The following TMEM245 variants were observed in gnomAD, a reference collection of about 807,000 sequenced individuals.
The protein encoded by TMEM245 is transmembrane protein 245, also known as protein CG-2.
TMEM245 carries 69 observed loss-of-function variants against 101.2 expected under a neutral mutation model. That is an observed-to-expected ratio of 0.68 (90% CI 0.56 to 0.83). The LOEUF (loss-of-function observed/expected upper bound fraction) is 0.83, where lower values mean the gene tolerates loss of function less well. Among genes scored for constraint, TMEM245 ranks in the 40% least tolerant of loss-of-function variants. The pLI, the probability that TMEM245 is intolerant of heterozygous loss-of-function variation, is 0.00. For missense variants in TMEM245, 1,075 were observed against 1,092.8 expected, an observed-to-expected ratio of 0.98 and a Z score of 0.23; for synonymous variants, 537 against 449.8, an observed-to-expected ratio of 1.19 and a Z score of -2.45.
chr9:109,044,714 A>C (rs1417004546), intron 14 of TMEM245, among the ~76,000 whole-genome samples: 1 of 151,952 alleles, frequency 6.6e-6, no homozygotes, highest in African/African-American at 2.4e-5. Flanking sequence ...TATAGTAATC[A>C]GATAGGGGTA....
intron 3 of TMEM245, among the ~76,000 whole-genome samples, chr9:109,099,524 G>T (rs1199807916): frequency 6.6e-6 from 1 of 152,174 alleles, no homozygotes; most frequent in African/African-American, 2.4e-5. Context: ...TATATCTGAT[G>T]ATTGTTTCAC....
chr9:109,083,826 C>G (rs998405908), intron 7 of TMEM245, among the ~76,000 whole-genome samples: 1 of 142,768 alleles, frequency 7.0e-6, no homozygotes, highest in Non-Finnish European at 1.5e-5. Context: ...GAGGCTGAGG[C>G]AGGCTGATCA....
At chr9:109,021,676 C>T (rs1485679953) in intron 17 of TMEM245, among the ~76,000 whole-genome samples, 2 of 152,090 alleles carry the variant, frequency 1.3e-5, no homozygotes, top group East Asian at 3.9e-4. Context: ...ACACCACATC[C>T]GGCTAATTTT....
intron 3 of TMEM245, among the ~76,000 whole-genome samples, chr9:109,104,078 C>G (rs921756666): frequency 2.0e-5 from 3 of 151,828 alleles, no homozygotes; most frequent in Non-Finnish European, 4.4e-5. Context: ...GAACGAGACT[C>G]CATCTCAAAA....
At chr9:109,057,746 G>C (rs1210394872) in intron 11 of TMEM245, among the ~76,000 whole-genome samples, 1 of 151,940 alleles carries the variant, frequency 6.6e-6, no homozygotes, top group African/African-American at 2.4e-5. Context: ...GCAAGACTCT[G>C]TCTAAAAAAG....
At chr9:109,118,897 T>C (rs183464601) in intron 1 of TMEM245, among the ~76,000 whole-genome samples, 2 of 152,306 alleles carry the variant, frequency 1.3e-5, no homozygotes, top group Admixed American at 6.5e-5. Flanking sequence ...ACCTTTCCTA[T>C]CTGCAGGATG....
At position 109,060,375 on chromosome 9, in the gene TMEM245, C is replaced by G. The variant is rs376533925; in HGVS notation, c.1701G>C (p.Leu567=). 14 of 1,612,892 alleles carry G rather than the reference C, an allele frequency of 8.7e-6. No homozygotes were observed. Among genetic ancestry groups the G allele is most frequent in the East Asian group, 2.2e-5 (1 of 44,840 alleles). Residue 567 remains leucine (L), a synonymous_variant, in exon 11 of 18, where the codon CTG becomes CTC. Coordinates refer to ENST00000374586, the MANE Select transcript of TMEM245 (RefSeq NM_032012.4). ...TTACCTTTACAAACCAAGAGTGATA[C>G]AGTCTGTCCCAAAGTTCTAGTACTT... is the stretch of plus-strand genomic sequence containing the variant. ...EKQVLELWDR[L]YHSWFVKNVT... is the part of the protein sequence containing the mutation.
At chr9:109,044,217 A>T (rs968990372) in intron 14 of TMEM245, among the ~76,000 whole-genome samples, 2 of 152,156 alleles carry the variant, frequency 1.3e-5, no homozygotes, top group African/African-American at 4.8e-5. Flanking sequence ...TGTGCTTGCT[A>T]CTTTTCTAAA....
intron 17 of TMEM245, among the ~76,000 whole-genome samples, chr9:109,024,467 T>A (rs1011419786): frequency 3.9e-5 from 6 of 152,208 alleles, no homozygotes; most frequent in Admixed American, 1.3e-4. Context: ...TAAAGTTAGA[T>A]ATAGCTCCCA....
chr9:109,089,242 A>C (rs77546808), intron 5 of TMEM245, among the ~76,000 whole-genome samples: 9,165 of 152,214 alleles, frequency 0.06, 949 homozygotes, highest in African/African-American at 0.21. Context: ...TCAAAAAAAA[A>C]AAAAATACAG....
chr9:109,109,853 G>T (rs1455966801), intron 1 of TMEM245, among the ~76,000 whole-genome samples: 1 of 152,078 alleles, frequency 6.6e-6, no homozygotes, highest in Non-Finnish European at 1.5e-5. Context: ...TATTAAGTTA[G>T]AAGTAAAATA....
At chr9:109,091,236 C>T in intron 4 of TMEM245, 81 bp from the exon 5 acceptor site, 1 of 1,257,418 alleles carries the variant, frequency 8.0e-7, no homozygotes, top group South Asian at 1.4e-5. Flanking sequence ...ATTAGGCTAG[C>T]CTGTTTCAGG....
chr9:109,087,008 C>A (rs907294475), intron 6 of TMEM245, among the ~76,000 whole-genome samples, 165 bp downstream of exon 6: 1 of 152,184 alleles, frequency 6.6e-6, no homozygotes, highest in African/African-American at 2.4e-5. Flanking sequence ...GTAAACCCAT[C>A]TTATCCTTGT....
At chr9:109,043,274 C>T (rs1347303216) in intron 14 of TMEM245, among the ~76,000 whole-genome samples, 1 of 152,164 alleles carries the variant, frequency 6.6e-6, no homozygotes, top group East Asian at 1.9e-4. Flanking sequence ...TTGCAAACAT[C>T]ACGATAGACG....
intron 8 of TMEM245, among the ~76,000 whole-genome samples, chr9:109,075,997 T>G (rs1462975440): frequency 2.0e-5 from 3 of 152,236 alleles, no homozygotes; most frequent in Non-Finnish European, 2.9e-5. Context: ...AACAAGACAC[T>G]GCTTCAGCTG....
chr9:109,046,900 C>T (rs917445263), intron 14 of TMEM245, among the ~76,000 whole-genome samples: 1 of 152,172 alleles, frequency 6.6e-6, no homozygotes. Context: ...GAACTCACTA[C>T]CATCTTCTCC....
chr9:109,057,363 A>C lies in TMEM245; in HGVS notation c.1723-41T>G, dbSNP rs761862996. The C allele has an allele frequency of 1.9e-6, 3 of 1,594,096 alleles. No individual in the cohort carries two copies. The South Asian group carries it at 3.4e-5, about 18-fold the overall frequency. Reference sequence around the variant, plus strand: ...GTGCAGACATGAAATTCCCATCTTAATCTAAAGAACAGAAAGTATAAATGT... The same window carrying C: ...GTGCAGACATGAAATTCCCATCTTACTCTAAAGAACAGAAAGTATAAATGT... On this transcript the variant is annotated intron_variant, in intron 11 of 17. Transcript: ENST00000374586.
chr9:109,021,434 C>T (rs1016389252), intron 17 of TMEM245, among the ~76,000 whole-genome samples: 2 of 152,192 alleles, frequency 1.3e-5, no homozygotes, highest in African/African-American at 2.4e-5. Flanking sequence ...AGTTATATTG[C>T]TCCTTTACAA....
intron 3 of TMEM245, among the ~76,000 whole-genome samples, chr9:109,096,913 A>G (rs1830156231): frequency 6.6e-6 from 1 of 152,252 alleles, no homozygotes; most frequent in East Asian, 1.9e-4. Context: ...ATTTTATCTT[A>G]CATTTCTAAA....
Sources: gnomAD v4.1 joint callset for allele counts (sites outside exome capture counted in the v4.1 genomes callset) on GRCh38, gnomAD v4.1.1 for gene constraint, MANE v1.5 for transcripts, NCBI Gene and HGNC (gene_info 2026-07-23, HGNC 2026-07-21) for gene names.